The following WDPCP variants were observed in gnomAD, a reference collection of about 807,000 sequenced individuals.
The protein encoded by WDPCP is WD repeat containing planar cell polarity effector, also known as WD repeat-containing and planar cell polarity effector protein fritz homolog.
A neutral mutation model predicts 93.1 loss-of-function variants in WDPCP; 71 were observed. The observed-to-expected ratio is 0.76, with a 90% confidence interval of 0.63 to 0.93. WDPCP has a LOEUF of 0.93. Among genes scored for constraint, WDPCP ranks in the 40% least tolerant of loss-of-function variants. WDPCP has a pLI of 0.00. For missense variants in WDPCP, 844 were observed against 887.4 expected (o/e 0.95, Z 0.62); for synonymous variants, 315 against 315.0 (o/e 1.00, Z 0.00).
At chr2:63,288,039 A>G (rs1684138889) in intron 13 of WDPCP, among the ~76,000 whole-genome samples, 1 of 152,244 alleles carries the variant, frequency 6.6e-6, no homozygotes. Context: ...GGAGTGGCAG[A>G]TGTAAGCCAT....
At chr2:63,226,529 G>A (rs1307940412) in intron 14 of WDPCP, among the ~76,000 whole-genome samples, 2 of 151,752 alleles carry the variant, frequency 1.3e-5, no homozygotes, top group African/African-American at 4.8e-5. Flanking sequence ...ATAAACAGAA[G>A]AAAGGTTATA....
intron 2 of WDPCP, among the ~76,000 whole-genome samples, chr2:63,711,090 C>T (rs1669255365): frequency 6.6e-6 from 1 of 152,052 alleles, no homozygotes; most frequent in Non-Finnish European, 1.5e-5. Flanking sequence ...TCATCCTAGC[C>T]CCACCAAAAA....
At chr2:63,369,092 G>GAAAAAA in intron 12 of WDPCP, 1 of 186,030 alleles carries the variant, frequency 5.4e-6, no homozygotes, top group Non-Finnish European at 1.1e-5. Context: ...CTACATAGTA[G>GAAAAAA]AAAAAAAAAA....
At chr2:63,838,997 G>C in the WDPCP span, among the ~76,000 whole-genome samples, 1 of 152,172 alleles carries the variant, frequency 6.6e-6, no homozygotes, top group African/African-American at 2.4e-5. Context: ...AGCTTCTAGA[G>C]TGCTACTTCT....
chr2:63,255,749 G>T (rs570571023), intron 14 of WDPCP, among the ~76,000 whole-genome samples: 1 of 152,186 alleles, frequency 6.6e-6, no homozygotes, highest in South Asian at 2.1e-4. Context: ...TTATAGCAAT[G>T]CAAAGAGACT....
At chr2:63,807,125 G>T (rs1398493212) in intron 2 of WDPCP, among the ~76,000 whole-genome samples, 6 of 152,166 alleles carry the variant, frequency 3.9e-5, no homozygotes, top group Non-Finnish European at 7.4e-5. Context: ...GTATTAATTT[G>T]GGGAACTAAT....
intron 12 of WDPCP, among the ~76,000 whole-genome samples, chr2:63,368,350 G>A (rs1284416103): frequency 6.7e-6 from 1 of 149,796 alleles, no homozygotes. Flanking sequence ...TTTTGAGACA[G>A]TGTCTCGCTC....
intron 3 of WDPCP, among the ~76,000 whole-genome samples, chr2:63,619,801 T>C (rs1309201110): frequency 6.6e-6 from 1 of 152,182 alleles, no homozygotes; most frequent in Admixed American, 6.5e-5. Flanking sequence ...GGGTGATTTT[T>C]GCATTCCCAA....
At chr2:63,271,554 C>CCAT (rs1682650020) in intron 13 of WDPCP, among the ~76,000 whole-genome samples, 1 of 152,174 alleles carries the variant, frequency 6.6e-6, no homozygotes, top group African/African-American at 2.4e-5. Context: ...CTGACTCATC[C>CCAT]CATCACTGTC....
chr2:63,321,264 G>A (rs1687058588), intron 12 of WDPCP, among the ~76,000 whole-genome samples: 1 of 151,922 alleles, frequency 6.6e-6, no homozygotes, highest in African/African-American at 2.4e-5. Context: ...CTATATTCAT[G>A]TAACTGATAT....
chr2:63,401,872 C>G (rs1694178877), intron 10 of WDPCP, among the ~76,000 whole-genome samples: 1 of 152,088 alleles, frequency 6.6e-6, no homozygotes, highest in Non-Finnish European at 1.5e-5. Flanking sequence ...TTTTACACTG[C>G]TGGGCATGTA....
At chr2:63,555,898 A>C (rs532319187) in intron 1 of WDPCP, among the ~76,000 whole-genome samples, 80 of 152,362 alleles carry the variant, frequency 5.3e-4, no homozygotes, top group African/African-American at 1.7e-3. Context: ...AAAGATGAGA[A>C]AGAATCAGTG....
At chr2:63,463,382 G>A (rs1265111914) in intron 6 of WDPCP, among the ~76,000 whole-genome samples, 2 of 152,114 alleles carry the variant, frequency 1.3e-5, no homozygotes, top group African/African-American at 2.4e-5. Context: ...CAATTTTGTT[G>A]AGAAATCTGA....
intron 1 of WDPCP, among the ~76,000 whole-genome samples, chr2:63,494,612 T>C (rs967470699): frequency 6.6e-6 from 1 of 151,922 alleles, no homozygotes; most frequent in African/African-American, 2.4e-5. Flanking sequence ...TATATACAGA[T>C]GTTTGAGTAA....
intron 13 of WDPCP, among the ~76,000 whole-genome samples, chr2:63,281,314 A>G (rs963159168): frequency 1.3e-5 from 2 of 152,194 alleles, no homozygotes; most frequent in Non-Finnish European, 2.9e-5. Flanking sequence ...TGGCCATAAT[A>G]AAAGAATTTT....
chr2:63,150,829 G>A (rs1671840057), intron 17 of WDPCP, among the ~76,000 whole-genome samples: 1 of 152,130 alleles, frequency 6.6e-6, no homozygotes, highest in African/African-American at 2.4e-5. Context: ...AGAAAATTAT[G>A]CAAAGACACA....
At chr2:63,332,134 GTA>G (rs1264599386) in intron 12 of WDPCP, among the ~76,000 whole-genome samples, 1 of 150,382 alleles carries the variant, frequency 6.6e-6, no homozygotes, top group African/African-American at 2.4e-5. Context: ...ATATTTTTAT[GTA>G]TATGTTCCAA....
chr2:63,216,585 G>C (rs1677364108), intron 14 of WDPCP, among the ~76,000 whole-genome samples: 1 of 152,082 alleles, frequency 6.6e-6, no homozygotes, highest in African/African-American at 2.4e-5. Flanking sequence ...GAGAGGGATA[G>C]CATTAGGAGA....
chr2:63,644,305 C>T (rs766628819), intron 3 of WDPCP, among the ~76,000 whole-genome samples: 33 of 136,312 alleles, frequency 2.4e-4, no homozygotes, highest in African/African-American at 7.3e-4. Flanking sequence ...AATGCAGTGG[C>T]GCAATCTCAG....
Sources: allele counts gnomAD v4.1 joint callset (sites outside exome capture counted in the v4.1 genomes callset), GRCh38; gene constraint gnomAD v4.1.1; transcripts MANE v1.5; gene names NCBI Gene and HGNC (gene_info 2026-07-23, HGNC 2026-07-21).